Variants in PRDM12 observed in about 807,000 individuals in gnomAD.
PRDM12 encodes the protein PR/SET domain 12.
PRDM12 carries 17 observed loss-of-function variants against 29.6 expected under a neutral mutation model. The observed-to-expected ratio is 0.57, with a 90% CI of 0.39 to 0.86. The LOEUF (loss-of-function observed/expected upper bound fraction) is 0.86. Ranked by LOEUF, PRDM12 falls within the 40% of genes least tolerant of loss-of-function variation. The pLI, the probability that PRDM12 is intolerant of heterozygous loss-of-function variation, is 0.00. For missense variants in PRDM12, 422 were observed against 510.8 expected (o/e 0.83, Z 1.68); for synonymous variants, 231 against 225.8 (o/e 1.02, Z -0.21).
Position 130,681,610 on chromosome 9 carries a change from G to A in PRDM12, c.1045G>A (p.Ala349Thr), listed in dbSNP as rs1371680686. ...APHAHAPALAAAAAAAAAAAA... is the reference protein window; with the variant it reads ...APHAHAPALATAAAAAAAAAA... ...GCACGCGCACGCGCCCGCGCTCGCCGCCGCCGCCGCCGCCGCCGCCGCCGC... is the reference window on the plus strand; with the variant it reads ...GCACGCGCACGCGCCCGCGCTCGCCACCGCCGCCGCCGCCGCCGCCGCCGC... Residue 349 changes from alanine to threonine, a missense_variant, in exon 5 of 5, where the codon GCC becomes ACC. Physicochemically the swap from Ala to Thr is moderately conservative, Grantham distance 58 (BLOSUM62 0). Around this residue, in one of 5 missense-constraint regions of PRDM12, gnomAD observed 66 missense variants for 61.5 expected, o/e 1.07. Transcript: ENST00000253008. This position sits in a 1 kb window ranked among gnomAD's most constrained non-coding sequence, Gnocchi z 8.1. 2 of 803,652 alleles carry A rather than the reference G, an allele frequency of 2.5e-6. No homozygotes were observed. The highest frequency in any genetic ancestry group is 4.0e-4 in the East Asian group (2 of 5,018). The allele number at this position is 803,652 out of a possible 1,614,324, so 49.8% of individuals were successfully genotyped here.
In PRDM12 at chr9:130,678,571, T is replaced by C. The variant is rs781777811; in HGVS notation, c.613T>C (p.Ser205Pro). Reference sequence around the variant, plus strand: ...GGAACTGCTGGTGTGGTACGGAAACTCACACAACACCTTCCTGGGGATCCC... The same window carrying C: ...GGAACTGCTGGTGTGGTACGGAAACCCACACAACACCTTCCTGGGGATCCC... ...DQELLVWYGN[S>P]HNTFLGIPGV... Residue 205 changes from serine (S) to proline (P), a missense_variant, in exon 4 of 5, where the codon TCA (serine) becomes CCA (proline). Physicochemically the swap from Ser to Pro is moderately conservative, Grantham distance 74. Around this residue, in one of 5 missense-constraint regions of PRDM12, gnomAD observed 300 missense variants for 350.0 expected, o/e 0.86. Coordinates refer to ENST00000253008, the MANE Select transcript of PRDM12 (RefSeq NM_021619.3). 2 of 1,613,584 alleles carry C rather than the reference T, an allele frequency of 1.2e-6. No homozygotes were observed. The highest frequency in any genetic ancestry group is 2.2e-5 in the South Asian group (2 of 91,054).
At chr9:130,669,200 G>A (rs377130854) in intron 3 of PRDM12, among the ~76,000 whole-genome samples, 2 of 151,860 alleles carry the variant, frequency 1.3e-5, no homozygotes, top group Non-Finnish European at 2.9e-5. Flanking sequence ...GGTGGCAGGC[G>A]CCTGTAGTCC....
chr9:130,670,942 G>C (rs1012301849), intron 3 of PRDM12, among the ~76,000 whole-genome samples: 8 of 152,198 alleles, frequency 5.3e-5, no homozygotes, highest in Non-Finnish European at 1.2e-4. Flanking sequence ...TAGACACTTA[G>C]AAATTCAGTC....
At chr9:130,673,961 G>A (rs1188499778) in intron 3 of PRDM12, among the ~76,000 whole-genome samples, 1 of 150,072 alleles carries the variant, frequency 6.7e-6, no homozygotes, top group Non-Finnish European at 1.5e-5. Flanking sequence ...CTGAGCCACC[G>A]AGCCTGGCTA....
rs759795008 is a variant in PRDM12 at position 130,681,220 on chromosome 9, CCCCCG to C, written c.683-11_683-7del. On this transcript the variant is annotated intron_variant, in intron 4 of 4. Coordinates refer to ENST00000253008, the MANE Select transcript of PRDM12 (RefSeq NM_021619.3). The surrounding 1 kb of genome is among the most constrained non-coding windows in gnomAD (Gnocchi z 8.1). ...CTCTCTCCCCTTCTCCGTCTCCCTT[CCCCCG>C]CCCCGCCCCGCCCCGCGGCCAGAGG... is the stretch of plus-strand genomic sequence containing the variant. 8.8e-5 allele frequency: 125 copies of C among 1,428,176 alleles called. No individual in the cohort carries two copies. The highest frequency in any genetic ancestry group is 2.7e-4 in the South Asian group (19 of 69,978). The allele number at this position is 1,428,176 out of a possible 1,614,324, so 88.5% of individuals were successfully genotyped here.
intron 2 of PRDM12, among the ~76,000 whole-genome samples, chr9:130,667,328 C>T (rs1050952750): frequency 2.0e-5 from 3 of 152,300 alleles, no homozygotes; most frequent in Admixed American, 2.0e-4. Context: ...TCACGGATGA[C>T]CTCAGTAGCC....
intron 4 of PRDM12, among the ~76,000 whole-genome samples, chr9:130,680,609 A>T (rs1830884720): frequency 7.2e-6 from 1 of 138,596 alleles, no homozygotes; most frequent in Non-Finnish European, 1.5e-5. Flanking sequence ...CTGGAGACAG[A>T]GGGAGACTCC....
At chr9:130,671,332 G>T (rs1830786688) in intron 3 of PRDM12, among the ~76,000 whole-genome samples, 1 of 149,902 alleles carries the variant, frequency 6.7e-6, no homozygotes, top group Non-Finnish European at 1.5e-5. Context: ...GACAAAGTGA[G>T]ACTCCGTCTC....
chr9:130,680,659 A>ATATATTTTTTTTTT, intron 4 of PRDM12, among the ~76,000 whole-genome samples: 1 of 72,170 alleles, frequency 1.4e-5, no homozygotes, highest in African/African-American at 7.8e-5. Context: ...ATATATATAT[A>ATATATTTTTTTTTT]TTTTTTTTTT....
At position 130,664,728 on chromosome 9, in the gene PRDM12, C is replaced by T. The variant is rs761704631; in HGVS notation, c.75C>T (p.Ala25=). The change falls in exon 1 of 5, where the codon GCC becomes GCT. Residue 25 remains alanine (A), a synonymous_variant. Transcript: ENST00000253008. The surrounding 1 kb of genome is among the most constrained non-coding windows in gnomAD (Gnocchi z 6.4). ...TGLKAPGLAL[A]EVITSDILHS... ...TGAAGGCGCCGGGACTGGCGCTGGC[C>T]GAGGTTATCACCTCCGACATCCTGC... The T allele has an allele frequency of 6.8e-6, 11 of 1,610,476 alleles. No individual in the cohort carries two copies. The South Asian group carries it at 1.1e-4, about 16-fold the overall frequency.
rs1238343001 is a variant in PRDM12, at chr9:130,681,726, C to T, written c.*57C>T. ...CTCCTGGGTCCCCGGCACCCCGGCC[C>T]CGCAGCGCGACTCGCCCTCCAGCCC... On this transcript the variant is annotated 3_prime_UTR_variant, in exon 5 of 5. Coordinates refer to ENST00000253008, the MANE Select transcript of PRDM12 (RefSeq NM_021619.3). This position sits in a 1 kb window ranked among gnomAD's most constrained non-coding sequence, Gnocchi z 8.1. The T allele has an allele frequency of 1.3e-5, 13 of 979,820 alleles. No individual in the cohort carries two copies. Among genetic ancestry groups the T allele is most frequent in the Admixed American group, 6.3e-5 (1 of 15,940 alleles). The allele number at this position is 979,820 out of a possible 1,614,324, so 60.7% of individuals were successfully genotyped here. A position where few individuals can be genotyped will look rare whatever the true frequency, so the allele number is the denominator to read the frequency against.
intron 2 of PRDM12, 28 bp downstream of exon 2, chr9:130,666,826 C>T (rs1195031273): frequency 1.3e-6 from 2 of 1,561,884 alleles, no homozygotes; most frequent in African/African-American, 1.4e-5. Context: ...CAGAGGGGCG[C>T]AAGGGCCGGC....
chr9:130,680,421 T>A (rs1273255084), intron 4 of PRDM12, among the ~76,000 whole-genome samples: 1 of 149,882 alleles, frequency 6.7e-6, no homozygotes, highest in Non-Finnish European at 1.5e-5. Flanking sequence ...GATCTCGAGG[T>A]CAAGAGATCG....
intron 3 of PRDM12, among the ~76,000 whole-genome samples, chr9:130,671,979 C>T (rs182127842): frequency 5.5e-4 from 84 of 152,318 alleles, no homozygotes; most frequent in Admixed American, 1.5e-3. Context: ...TCAACAGAGA[C>T]GAAGGCAACG....
chr9:130,681,926 C>T lies in PRDM12; in HGVS notation c.*257C>T, dbSNP rs1458271613. 5.1e-6 allele frequency: 1 copy of T among 195,640 alleles called. No homozygotes were observed. The highest frequency in any genetic ancestry group is 9.3e-6 in the Non-Finnish European group (1 of 108,068). The allele number at this position is 195,640 out of a possible 1,614,324, so 12.1% of individuals were successfully genotyped here. A position where few individuals can be genotyped will look rare whatever the true frequency, so the allele number is the denominator to read the frequency against. On this transcript the variant is annotated 3_prime_UTR_variant, in exon 5 of 5. Transcript: ENST00000253008. This position sits in a 1 kb window ranked among gnomAD's most constrained non-coding sequence, Gnocchi z 8.1. ...TCGGCCGCCTCCTCTGGGAGGGGGT[C>T]CCCCTGCCTGGCCTCGCCCCCGAGT... is the stretch of plus-strand genomic sequence containing the variant.
chr9:130,678,679 T>C, intron 4 of PRDM12, 39 bp downstream of exon 4: 2 of 1,492,298 alleles, frequency 1.3e-6, no homozygotes, highest in Non-Finnish European at 1.9e-6. Flanking sequence ...CACAGACCCA[T>C]GGAGAGGGGA....
At chr9:130,665,006 C>G in intron 1 of PRDM12, 130 bp downstream of exon 1, 1 of 944,560 alleles carries the variant, frequency 1.1e-6, no homozygotes, top group Non-Finnish European at 1.5e-6. Context: ...GCTCTCCCGG[C>G]GCTCGGTGCA....
chr9:130,677,090 A>C (rs954520986), intron 3 of PRDM12, among the ~76,000 whole-genome samples: 5 of 151,908 alleles, frequency 3.3e-5, no homozygotes, highest in African/African-American at 1.2e-4. Context: ...CGCCTGGCTA[A>C]TTTTTCTATT....
At position 130,681,226 on chromosome 9, in the gene PRDM12, C is replaced by T; in HGVS notation, c.683-22C>T. 6.9e-6 allele frequency: 10 copies of T among 1,439,746 alleles called. No individual in the cohort carries two copies. The highest frequency in any genetic ancestry group is 9.1e-6 in the Non-Finnish European group (10 of 1,093,072). 89.2% of individuals were successfully genotyped at this position (1,439,746 alleles called of 1,614,324 possible). A position where few individuals can be genotyped will look rare whatever the true frequency, so the allele number is the denominator to read the frequency against. On this transcript the variant is annotated intron_variant, in intron 4 of 4. Coordinates refer to ENST00000253008, the MANE Select transcript of PRDM12 (RefSeq NM_021619.3). This position sits in a 1 kb window ranked among gnomAD's most constrained non-coding sequence, Gnocchi z 8.1. ...CCCCTTCTCCGTCTCCCTTCCCCCG[C>T]CCCGCCCCGCCCCGCGGCCAGAGGA...
Sources: allele counts gnomAD v4.1 joint callset (sites outside exome capture counted in the v4.1 genomes callset), GRCh38; gene constraint gnomAD v4.1.1; regional missense constraint gnomAD v4.1.1; non-coding constraint Gnocchi (gnomAD v3.1); transcripts MANE v1.5; gene names NCBI Gene and HGNC (gene_info 2026-07-23, HGNC 2026-07-21).